The following PON1 variants were observed in gnomAD, a reference collection of about 807,000 sequenced individuals.
The protein encoded by PON1 is paraoxonase 1.
A neutral mutation model predicts 39.2 loss-of-function variants in PON1; 37 were observed. That is an observed-to-expected ratio of 0.94 (90% CI 0.73 to 1.24). The LOEUF (loss-of-function observed/expected upper bound fraction) is 1.24. Among genes scored for constraint, PON1 ranks in the 50% most tolerant of loss-of-function variants. PON1 has a pLI of 0.00. For synonymous variants in PON1, 148 were observed against 152.2 expected (o/e 0.97, Z 0.21); for missense variants, 397 against 413.5 (o/e 0.96, Z 0.35).
chr7:95,320,532 A>T (rs1237967108), intron 1 of PON1, among the ~76,000 whole-genome samples: 1 of 152,174 alleles, frequency 6.6e-6, no homozygotes, highest in East Asian at 1.9e-4. Flanking sequence ...GTGAGGTGTT[A>T]TTTTCCCTAA....
chr7:95,300,999 CAAG>C (rs1563593808), intron 8 of PON1, among the ~76,000 whole-genome samples: 1 of 151,398 alleles, frequency 6.6e-6, no homozygotes. Context: ...TTTTTTAACC[CAAG>C]AGATACGGGC....
chr7:95,322,677 A>G (rs1807925905), intron 1 of PON1, among the ~76,000 whole-genome samples: 1 of 152,202 alleles, frequency 6.6e-6, no homozygotes, highest in African/African-American at 2.4e-5. Context: ...AACATTCCAT[A>G]GCCCAAGTTG....
intron 6 of PON1, 105 bp from the exon 7 acceptor site, chr7:95,306,471 A>G (rs188892927): frequency 3.6e-6 from 3 of 843,884 alleles, no homozygotes; most frequent in Admixed American, 3.5e-5. Context: ...TGCTTAAGGA[A>G]TGGAAAATGG....
At chr7:95,306,177 G>C in intron 7 of PON1, 108 bp downstream of exon 7, 1 of 927,022 alleles carries the variant, frequency 1.1e-6, no homozygotes, top group South Asian at 1.3e-5. Flanking sequence ...TGAAAAATTG[G>C]TTCTCACCCA....
At chr7:95,315,918 G>A (rs1258019633) in intron 3 of PON1, among the ~76,000 whole-genome samples, 3 of 152,202 alleles carry the variant, frequency 2.0e-5, no homozygotes, top group African/African-American at 4.8e-5. Context: ...GTGGGCCAGA[G>A]GAACTACTCC....
chr7:95,319,715 A>T (rs1010412268), intron 1 of PON1, among the ~76,000 whole-genome samples: 2 of 152,210 alleles, frequency 1.3e-5, no homozygotes, highest in African/African-American at 4.8e-5. Flanking sequence ...TGACATTATA[A>T]TTGCAAATAT....
chr7:95,306,995 G>T (rs1293600315), intron 6 of PON1, among the ~76,000 whole-genome samples: 1 of 151,432 alleles, frequency 6.6e-6, no homozygotes, highest in Admixed American at 6.6e-5. Flanking sequence ...ATAATTAAAA[G>T]CTGTCCCTGT....
chr7:95,305,079 C>T (rs1290237819), intron 7 of PON1, among the ~76,000 whole-genome samples: 9 of 152,162 alleles, frequency 5.9e-5, no homozygotes, highest in Admixed American at 5.9e-4. Context: ...ACTAGCCCTG[C>T]CAGTGATTTT....
In PON1 at chr7:95,308,150, G is replaced by C; in HGVS notation, c.559C>G (p.Leu187Val). ...TCCCAGGATTGTAAGTAGGGGTCAA[G>C]AAAATAGTGATCATTTGTGCCATAA... ...HFYGTNDHYF[L>V]DPYLQSWEMY... The change falls in exon 6 of 9, where the codon CTT becomes GTT. Residue 187 changes from leucine (L) to valine (V), a missense_variant. Transcript: ENST00000222381. The C allele has an allele frequency of 6.2e-7, 1 of 1,614,092 alleles. No homozygotes were observed.
At chr7:95,318,548 C>A in intron 1 of PON1, 155 bp from the exon 2 acceptor site, 4 of 662,648 alleles carry the variant, frequency 6.0e-6, no homozygotes, top group Non-Finnish European at 1.1e-5. Context: ...AAGGCCAGGG[C>A]AAGACAAGTG....
intron 8 of PON1, among the ~76,000 whole-genome samples, chr7:95,301,634 A>G (rs548598144): frequency 6.6e-6 from 1 of 152,208 alleles, no homozygotes; most frequent in East Asian, 1.9e-4. Context: ...CACTGTGTCC[A>G]CACATTTTGT....
chr7:95,310,638 T>C (rs1225006376), intron 5 of PON1, among the ~76,000 whole-genome samples: 1 of 152,196 alleles, frequency 6.6e-6, no homozygotes, highest in Admixed American at 6.5e-5. Flanking sequence ...GGGGTCCTGG[T>C]AACACAGAGT....
At chr7:95,318,870 G>T (rs854564) in intron 1 of PON1, among the ~76,000 whole-genome samples, 104,047 of 152,066 alleles carry the variant, frequency 0.68, 35,689 homozygotes, top group Middle Eastern at 0.74. Context: ...GAAAGGATTT[G>T]TAACTTCAGA....
intron 8 of PON1, among the ~76,000 whole-genome samples, chr7:95,299,982 A>G (rs932260212): frequency 3.3e-5 from 5 of 152,150 alleles, no homozygotes; most frequent in African/African-American, 1.2e-4. Context: ...AAATGCAGAC[A>G]AGAAAAAAAA....
chr7:95,303,348 C>T (rs1807473326), intron 7 of PON1, among the ~76,000 whole-genome samples: 1 of 137,504 alleles, frequency 7.3e-6, no homozygotes, highest in African/African-American at 3.1e-5. Flanking sequence ...AGACAGGCGG[C>T]TCCATGCTTG....
At chr7:95,312,814 G>A (rs1307266215) in intron 4 of PON1, among the ~76,000 whole-genome samples, 2 of 152,120 alleles carry the variant, frequency 1.3e-5, no homozygotes, top group African/African-American at 4.8e-5. Flanking sequence ...GTGAGGTTGT[G>A]CTGGGAGTGT....
At chr7:95,307,903 A>T in intron 6 of PON1, 108 bp downstream of exon 6, 2 of 1,110,648 alleles carry the variant, frequency 1.8e-6, no homozygotes, top group East Asian at 2.6e-5. Context: ...ATTTTATCTC[A>T]CTAGGGTAAC....
At position 95,298,790 on chromosome 7, in the gene PON1, A is replaced by G. The variant is rs1807348508; in HGVS notation, c.*154T>C. ...TTCTCAAAAAAAAGCCCTACACATC[A>G]TATCACTCCCAGTTAAACAGTGCTT... On this transcript the variant is annotated 3_prime_UTR_variant, in exon 9 of 9. Transcript: ENST00000222381. The G allele has an allele frequency of 2.2e-6, 2 of 909,258 alleles. No homozygotes were observed. The highest frequency in any genetic ancestry group is 1.6e-5 in the African/African-American group (1 of 61,092). The allele number at this position is 909,258 out of a possible 1,614,324, so 56.3% of individuals were successfully genotyped here. A position where few individuals can be genotyped will look rare whatever the true frequency, so the allele number is the denominator to read the frequency against.
At chr7:95,311,794 A>C in intron 4 of PON1, among the ~76,000 whole-genome samples, 1 of 152,010 alleles carries the variant, frequency 6.6e-6, no homozygotes, top group East Asian at 1.9e-4. Flanking sequence ...AAAACTCAAA[A>C]CTCCACAGGA....
Sources: allele counts gnomAD v4.1 joint callset (sites outside exome capture counted in the v4.1 genomes callset), GRCh38; gene constraint gnomAD v4.1.1; transcripts MANE v1.5; gene names NCBI Gene and HGNC (gene_info 2026-07-23, HGNC 2026-07-21).